ANKRD17: variants seen among roughly 807,000 people sequenced by gnomAD.
ANKRD17 encodes the protein ankyrin repeat domain 17.
In ANKRD17, 19 loss-of-function variants were observed where a neutral mutation model predicts 229.7. That is an observed-to-expected ratio of 0.08 (90% confidence interval 0.06 to 0.12). The LOEUF (loss-of-function observed/expected upper bound fraction) is 0.12, where lower values mean the gene tolerates loss of function less well. Ranked by LOEUF, ANKRD17 falls within the 10% of genes least tolerant of loss-of-function variation. The pLI is 1.00. For missense variants in ANKRD17, 2,176 were observed against 3,176.8 expected (o/e 0.68, Z 7.57); for synonymous variants, 1,112 against 1,146.1 (o/e 0.97, Z 0.60).
At chr4:73,217,797 A>T (rs886146467) in intron 1 of ANKRD17, among the ~76,000 whole-genome samples, 2 of 152,232 alleles carry the variant, frequency 1.3e-5, no homozygotes, top group Admixed American at 1.3e-4. Flanking sequence ...ATAAAACTAC[A>T]TTCGGACTAT....
intron 16 of ANKRD17, among the ~76,000 whole-genome samples, chr4:73,132,849 A>G (rs1191245234): frequency 6.6e-6 from 1 of 152,184 alleles, no homozygotes; most frequent in African/African-American, 2.4e-5. Flanking sequence ...CCTGTTTAAA[A>G]ACATTTTTAT....
intron 16 of ANKRD17, among the ~76,000 whole-genome samples, chr4:73,130,212 T>C (rs1728018806): frequency 6.6e-6 from 1 of 152,188 alleles, no homozygotes; most frequent in African/African-American, 2.4e-5. Flanking sequence ...AAAAGTGGGA[T>C]AGCACTTCAA....
chr4:73,085,394 A>C lies in ANKRD17; in HGVS notation c.7014T>G (p.His2338Gln), dbSNP rs368858376. 215 of 1,614,018 alleles carry C rather than the reference A, an allele frequency of 1.3e-4. No individual in the cohort carries two copies. Among genetic ancestry groups the C allele is most frequent in the Non-Finnish European group, 1.7e-4 (198 of 1,180,030 alleles). Residue 2338 changes from histidine (H) to glutamine (Q), a missense_variant, in exon 30 of 34, where the codon CAT becomes CAG. Around this residue, in one of 18 missense-constraint regions of ANKRD17, gnomAD observed 87 missense variants for 116.0 expected, o/e 0.75. Transcript: ENST00000358602. ...PYGSVTPSST[H>Q]LGNFASNISG... ...AAATGTTTGAAGCAAAGTTTCCCAAATGTGTTGAAGAAGGTGTTACAGAAC... is the reference window on the plus strand; with the variant it reads ...AAATGTTTGAAGCAAAGTTTCCCAACTGTGTTGAAGAAGGTGTTACAGAAC...
chr4:73,217,729 C>T (rs1396532593), intron 1 of ANKRD17, among the ~76,000 whole-genome samples: 1 of 151,966 alleles, frequency 6.6e-6, no homozygotes, highest in East Asian at 1.9e-4. Flanking sequence ...CATTTGACCT[C>T]GTGTGACAGA....
At chr4:73,120,723 A>G (rs1193633998) in intron 20 of ANKRD17, among the ~76,000 whole-genome samples, 158 bp downstream of exon 20, 1 of 151,974 alleles carries the variant, frequency 6.6e-6, no homozygotes, top group Non-Finnish European at 1.5e-5. Context: ...TTCAAGAGTT[A>G]ATGTTTGACT....
intron 1 of ANKRD17, among the ~76,000 whole-genome samples, chr4:73,193,868 G>C (rs1392357782): frequency 6.6e-6 from 1 of 152,120 alleles, no homozygotes; most frequent in Non-Finnish European, 1.5e-5. Flanking sequence ...GGAGGTTGAG[G>C]CTGCAGTGAC....
At chr4:73,227,191 C>T (rs766013660) in intron 1 of ANKRD17, among the ~76,000 whole-genome samples, 24 of 152,040 alleles carry the variant, frequency 1.6e-4, no homozygotes, top group Non-Finnish European at 3.1e-4. Flanking sequence ...TCTTGCTTTG[C>T]ACTCCAGGTT....
chr4:73,222,381 G>T lies in ANKRD17; in HGVS notation c.393+35895C>A, dbSNP rs188755555. ...TCATGATTCAAATTATAGTAATTTT[G>T]TATTGATGTCTCTCTAGCATCAGTG... On this transcript the variant is annotated intron_variant, in intron 1 of 33. Transcript: ENST00000358602. 2.5e-3 allele frequency among the ~76,000 whole-genome samples: 375 copies of T among 152,148 alleles called. 2 individuals carry two copies. The highest frequency in any genetic ancestry group is 0.016 in the South Asian group (76 of 4,822).
At chr4:73,230,007 T>A (rs1578472161) in intron 1 of ANKRD17, among the ~76,000 whole-genome samples, 1 of 152,118 alleles carries the variant, frequency 6.6e-6, no homozygotes, top group African/African-American at 2.4e-5. Context: ...ATAAACAATT[T>A]TTATGAACAT....
intron 29 of ANKRD17, among the ~76,000 whole-genome samples, chr4:73,089,138 A>G (rs1722511487): frequency 6.6e-6 from 1 of 151,646 alleles, no homozygotes; most frequent in South Asian, 2.1e-4. Flanking sequence ...CTAGGGCTCA[A>G]GTCATCCTTC....
At position 73,140,214 on chromosome 4, in the gene ANKRD17, T is replaced by C. The variant is rs762272229; in HGVS notation, c.2402A>G (p.Asn801Ser). 1.2e-5 allele frequency: 19 copies of C among 1,613,636 alleles called. No homozygotes were observed. The highest frequency in any genetic ancestry group is 4.4e-5 in the South Asian group (4 of 90,954). Residue 801 changes from asparagine (N) to serine (S), a missense_variant, in exon 15 of 34, where the codon AAT (asparagine) becomes AGT (serine). Physicochemically the swap from Asn to Ser is conservative, Grantham distance 46. Coordinates refer to ENST00000358602, the MANE Select transcript of ANKRD17 (RefSeq NM_032217.5). ...NSQDVQGYIT[N>S]QSPESIVEEA... ...TTCTACAATGCTCTCTGGAGACTGA[T>C]TGGTGATGTAACCCTGTACATCCTG...
At chr4:73,095,524 C>A (rs1256326170) in intron 27 of ANKRD17, among the ~76,000 whole-genome samples, 3 of 151,274 alleles carry the variant, frequency 2.0e-5, no homozygotes, top group Non-Finnish European at 4.4e-5. Context: ...ATCACTTCAA[C>A]CTGGGAGGCA....
In ANKRD17 at chr4:73,091,700, T is replaced by C. The variant is rs1464425524; in HGVS notation, c.5928A>G (p.Ser1976=). The C allele has an allele frequency of 8.7e-6, 14 of 1,614,202 alleles. No individual in the cohort carries two copies. Among genetic ancestry groups the C allele is most frequent in the Non-Finnish European group, 1.2e-5 (14 of 1,180,034 alleles). The change falls in exon 29 of 34, where the codon TCA becomes TCG. Residue 1976 remains serine, a synonymous_variant. Coordinates refer to ENST00000358602, the MANE Select transcript of ANKRD17 (RefSeq NM_032217.5). ...TAGATGTACCAGGCACCGTTGAAGCTGATGAACTGGTTGTAGTTGTTGGGC... is the reference window on the plus strand; with the variant it reads ...TAGATGTACCAGGCACCGTTGAAGCCGATGAACTGGTTGTAGTTGTTGGGC... The part of the protein sequence containing the change: ...TSSPTTTTSS[S]ASTVPGTSTN...
In ANKRD17 at chr4:73,258,380, C is replaced by T; in HGVS notation, c.289G>A (p.Gly97Ser). 1 of 1,611,056 alleles carries T rather than the reference C, an allele frequency of 6.2e-7. No homozygotes were observed. The highest frequency in any genetic ancestry group is 8.5e-7 in the Non-Finnish European group (1 of 1,179,482). Residue 97 changes from glycine to serine, a missense_variant, in exon 1 of 34, where the codon GGC becomes AGC. Physicochemically the swap from Gly to Ser is moderately conservative, Grantham distance 56. Around this residue, in one of 18 missense-constraint regions of ANKRD17, gnomAD observed 196 missense variants for 190.0 expected, o/e 1.03. Transcript: ENST00000358602. ...CCGCCTCCACCGCCGCCTCCACCGC[C>T]GCCGCTGTTGTCGCTGTCGCTGCTG... is the stretch of plus-strand genomic sequence containing the variant. ...ESSSDSDNSG[G>S]GGGGGGGGGG... is the part of the protein sequence containing the mutation.
At chr4:73,257,702 T>G (rs1453339516) in intron 1 of ANKRD17, among the ~76,000 whole-genome samples, 1 of 152,168 alleles carries the variant, frequency 6.6e-6, no homozygotes, top group Non-Finnish European at 1.5e-5. Flanking sequence ...GCAGCCAGGA[T>G]AGTTACGAAA....
intron 16 of ANKRD17, among the ~76,000 whole-genome samples, chr4:73,127,504 C>A (rs2148734275): frequency 6.6e-6 from 1 of 152,166 alleles, no homozygotes; most frequent in Non-Finnish European, 1.5e-5. Flanking sequence ...CTAAGCATTT[C>A]CCTCACTTTC....
chr4:73,189,881 A>G (rs1435111286), intron 1 of ANKRD17, among the ~76,000 whole-genome samples: 2 of 152,216 alleles, frequency 1.3e-5, no homozygotes, highest in African/African-American at 4.8e-5. Flanking sequence ...GACACAATGC[A>G]ATAACCAAAC....
intron 24 of ANKRD17, among the ~76,000 whole-genome samples, chr4:73,103,421 T>C (rs575939336): frequency 9.6e-4 from 147 of 152,342 alleles, no homozygotes; most frequent in Non-Finnish European, 1.7e-3. Flanking sequence ...AGTGTTTCTA[T>C]TTGTTAAAAT....
At chr4:73,254,746 C>A (rs1745312987) in intron 1 of ANKRD17, among the ~76,000 whole-genome samples, 3 of 142,686 alleles carry the variant, frequency 2.1e-5, no homozygotes, top group African/African-American at 5.2e-5. Flanking sequence ...CCAGCCTGGG[C>A]AACAAGAGCG....
Sources: gnomAD v4.1 joint callset for allele counts (sites outside exome capture counted in the v4.1 genomes callset) on GRCh38, gnomAD v4.1.1 for gene constraint, gnomAD v4.1.1 regional missense constraint, MANE v1.5 for transcripts, NCBI Gene and HGNC (gene_info 2026-07-23, HGNC 2026-07-21) for gene names.